Variants in ARHGAP22 observed in about 807,000 individuals in gnomAD.
ARHGAP22 encodes the protein Rho GTPase activating protein 22, also known as rho GTPase-activating protein 22.
In ARHGAP22, 48 loss-of-function variants were observed where a neutral mutation model predicts 59.1. The ratio of observed to expected loss-of-function variants is 0.81; its 90% CI spans 0.64 to 1.03. The LOEUF (loss-of-function observed/expected upper bound fraction) is 1.03, where lower values mean the gene tolerates loss of function less well. Ranked by LOEUF, ARHGAP22 falls within the 50% of genes least tolerant of loss-of-function variation. The pLI is 0.00. For missense variants in ARHGAP22, 1,015 were observed against 958.7 expected, an observed-to-expected ratio of 1.06 and a Z score of -0.78; for synonymous variants, 445 against 416.4, an observed-to-expected ratio of 1.07 and a Z score of -0.84.
chr10:48,489,598 C>T (rs2050167382), intron 3 of ARHGAP22, among the ~76,000 whole-genome samples: 1 of 152,178 alleles, frequency 6.6e-6, no homozygotes, highest in African/African-American at 2.4e-5. Flanking sequence ...GCAAATATTT[C>T]AGGAATAAAT....
chr10:48,625,652 C>G (rs1294597704), intron 1 of ARHGAP22, among the ~76,000 whole-genome samples: 3 of 151,934 alleles, frequency 2.0e-5, no homozygotes, highest in Non-Finnish European at 4.4e-5. Flanking sequence ...ACCGTGCTCA[C>G]ATTGCCCCTT....
At chr10:48,601,278 G>A (rs951176382) in intron 1 of ARHGAP22, among the ~76,000 whole-genome samples, 4 of 152,132 alleles carry the variant, frequency 2.6e-5, no homozygotes, top group African/African-American at 7.2e-5. Context: ...AATCTTCCAG[G>A]GCTCTGAAGG....
chr10:48,615,780 A>G (rs2061057374), intron 1 of ARHGAP22, among the ~76,000 whole-genome samples: 1 of 152,186 alleles, frequency 6.6e-6, no homozygotes, highest in African/African-American at 2.4e-5. Context: ...CAAGTACTGA[A>G]CTTCGATACA....
chr10:48,623,968 T>C (rs1342609073), intron 1 of ARHGAP22: 2 of 152,274 alleles, frequency 1.3e-5, no homozygotes, highest in Non-Finnish European at 2.9e-5. Context: ...GTGTATTTTT[T>C]AGTTACTCTT....
At chr10:48,550,067 A>G (rs2056780999) in intron 3 of ARHGAP22, among the ~76,000 whole-genome samples, 1 of 152,200 alleles carries the variant, frequency 6.6e-6, no homozygotes, top group South Asian at 2.1e-4. Flanking sequence ...AAGGAGACAC[A>G]CAGACCCCGT....
At chr10:48,650,392 G>C (rs1026814985) in intron 1 of ARHGAP22, among the ~76,000 whole-genome samples, 8 of 152,102 alleles carry the variant, frequency 5.3e-5, no homozygotes, top group Non-Finnish European at 8.8e-5. Context: ...AAAATCCATG[G>C]AGGCAGAACA....
At chr10:48,438,306 CTCTT>C in the ARHGAP22 span, 1 of 152,184 alleles carries the variant, frequency 6.6e-6, no homozygotes, top group Non-Finnish European at 1.5e-5. Context: ...CTACTGATCT[CTCTT>C]AGGTTTTTAC....
intron 3 of ARHGAP22, among the ~76,000 whole-genome samples, chr10:48,498,352 C>CA (rs1374820449): frequency 6.6e-6 from 1 of 152,094 alleles, no homozygotes; most frequent in East Asian, 1.9e-4. Context: ...GGCCCCTGAA[C>CA]AAAAATACCA....
At chr10:48,601,841 A>G (rs2060402029) in intron 1 of ARHGAP22, among the ~76,000 whole-genome samples, 1 of 152,170 alleles carries the variant, frequency 6.6e-6, no homozygotes, top group African/African-American at 2.4e-5. Flanking sequence ...AGTTGTCTAG[A>G]TCTAATCTCC....
chr10:48,477,844 C>T (rs61838748), intron 4 of ARHGAP22, among the ~76,000 whole-genome samples: 6,479 of 152,264 alleles, frequency 0.043, 212 homozygotes, highest in Middle Eastern at 0.082. Flanking sequence ...TTGCCTCATT[C>T]ATTTGTAGGA....
intron 1 of ARHGAP22, among the ~76,000 whole-genome samples, chr10:48,601,280 C>T (rs2060364802): frequency 6.6e-6 from 1 of 152,202 alleles, no homozygotes; most frequent in Non-Finnish European, 1.5e-5. Context: ...TCTTCCAGGG[C>T]TCTGAAGGAT....
rs2045795282 is a variant in ARHGAP22, at chr10:48,450,379, C to T, written c.1750G>A (p.Glu584Lys). The T allele has an allele frequency of 1.3e-6, 2 of 1,576,152 alleles. No homozygotes were observed. Among genetic ancestry groups the T allele is most frequent in the Middle Eastern group, 1.7e-4 (1 of 5,854 alleles). The change falls in exon 9 of 10, where the codon GAG becomes AAG. Residue 584 changes from glutamate (E) to lysine (K), a missense_variant. Physicochemically the swap from Glu to Lys is moderately conservative, Grantham distance 56. Transcript: ENST00000249601. Reference protein sequence around the residue: ...GAGASNSEPSEPDSPTREHAR... With the variant: ...GAGASNSEPSKPDSPTREHAR... ...TGTTCCCGGGTGGGGCTGTCCGGCT[C>T]GCTGGGCTCGCTGTTGCTGGCACCC... is the stretch of plus-strand genomic sequence containing the variant.
chr10:48,509,657 C>T (rs1359654655), intron 3 of ARHGAP22, among the ~76,000 whole-genome samples: 2 of 152,094 alleles, frequency 1.3e-5, no homozygotes, highest in Non-Finnish European at 2.9e-5. Context: ...ACTCGCTGGG[C>T]CCTCCCCGCA....
intron 3 of ARHGAP22, chr10:48,511,692 T>C (rs1195005647): frequency 6.6e-6 from 1 of 152,364 alleles, no homozygotes; most frequent in East Asian, 1.9e-4. Context: ...GCGTCCATGC[T>C]GGGCCAGGCA....
At chr10:48,613,991 G>A (rs186395227) in intron 1 of ARHGAP22, among the ~76,000 whole-genome samples, 114 of 152,202 alleles carry the variant, frequency 7.5e-4, no homozygotes, top group African/African-American at 2.5e-3. Flanking sequence ...TTCTGTCTTC[G>A]CCTGGGGCTG....
At chr10:48,522,387 C>A (rs1329448551) in intron 3 of ARHGAP22, among the ~76,000 whole-genome samples, 3 of 152,242 alleles carry the variant, frequency 2.0e-5, no homozygotes, top group African/African-American at 7.2e-5. Context: ...CTGGTGAAGC[C>A]AGCAGCTGGC....
the ARHGAP22 span, chr10:48,434,728 T>G: frequency 2.0e-6 from 1 of 504,400 alleles, no homozygotes; most frequent in Non-Finnish European, 3.4e-6. Flanking sequence ...GAAGAGTGTT[T>G]TTAAGTTAGT....
chr10:48,526,335 T>C (rs937838786), intron 3 of ARHGAP22, among the ~76,000 whole-genome samples: 2 of 151,966 alleles, frequency 1.3e-5, no homozygotes, highest in East Asian at 3.9e-4. Flanking sequence ...CCTCCCTCCC[T>C]CTCCTTTAAC....
chr10:48,493,799 T>G (rs533486951), intron 3 of ARHGAP22: 14 of 560,720 alleles, frequency 2.5e-5, no homozygotes, highest in Middle Eastern at 5.1e-4. Context: ...TGTGCACTTG[T>G]CCTGCTGTGT....
Sources: allele counts gnomAD v4.1 joint callset (sites outside exome capture counted in the v4.1 genomes callset), GRCh38; gene constraint gnomAD v4.1.1; transcripts MANE v1.5; gene names NCBI Gene and HGNC (gene_info 2026-07-23, HGNC 2026-07-21).